The following PPM1B variants were observed in gnomAD, a reference collection of about 807,000 sequenced individuals.
The protein encoded by PPM1B is protein phosphatase 1B.
In PPM1B, 22 loss-of-function variants were observed where a neutral mutation model predicts 43.0. The ratio of observed to expected loss-of-function variants is 0.51; its 90% confidence interval spans 0.37 to 0.73. The LOEUF (loss-of-function observed/expected upper bound fraction) is 0.73, where lower values mean the gene tolerates loss of function less well. PPM1B is among the 30% of genes least tolerant of loss of function. The pLI, the probability that PPM1B is intolerant of heterozygous loss-of-function variation, is 0.00. For synonymous variants in PPM1B, 217 were observed against 197.9 expected (o/e 1.10, Z -0.81); for missense variants, 632 against 584.2 (o/e 1.08, Z -0.84).
At chr2:44,178,448 A>G (rs899652797) in intron 1 of PPM1B, among the ~76,000 whole-genome samples, 3 of 131,396 alleles carry the variant, frequency 2.3e-5, no homozygotes, top group African/African-American at 8.7e-5. Context: ...TGTATTTTAT[A>G]TATGTATATA....
At chr2:44,211,206 C>T (rs991685485) in intron 3 of PPM1B, among the ~76,000 whole-genome samples, 2 of 152,168 alleles carry the variant, frequency 1.3e-5, no homozygotes. Context: ...ATTTAAATTT[C>T]CCTAATTATC....
At chr2:44,233,451 A>G, downstream of PPM1B, 1 of 983,784 alleles carries the variant, frequency 1.0e-6, no homozygotes, top group East Asian at 1.1e-4. Context: ...TTTTGCATGT[A>G]TTAAATTCAA....
chr2:44,177,075 C>G (rs145277342), intron 1 of PPM1B, among the ~76,000 whole-genome samples: 1 of 152,150 alleles, frequency 6.6e-6, no homozygotes, highest in African/African-American at 2.4e-5. Context: ...CCACCGTGCC[C>G]GGCCTAGTTT....
rs376712795 is a variant in PPM1B, at chr2:44,241,084, A to T, written n.1547-3144A>T. On this transcript the variant is annotated intron_variant and non_coding_transcript_variant, in intron 5 of 5. Transcript: ENST00000378540. ...AATGGCGCGATCTTGGCTCACTGCA[A>T]CTTCCGCCTCCCGGGTTCAAGTGAT... is the stretch of plus-strand genomic sequence containing the variant. 2.0e-4 allele frequency among the ~76,000 whole-genome samples: 29 copies of T among 143,274 alleles called. 2 individuals are homozygous for T. Among genetic ancestry groups the T allele is most frequent in the African/African-American group, 7.2e-4 (29 of 40,248 alleles). 94.0% of individuals were successfully genotyped at this position (143,274 alleles called of 152,430 possible).
chr2:44,210,836 T>G (rs1435851581), intron 3 of PPM1B, among the ~76,000 whole-genome samples: 2 of 152,038 alleles, frequency 1.3e-5, no homozygotes, highest in Admixed American at 6.6e-5. Flanking sequence ...CTGTAGTATA[T>G]CCATAAAAAT....
chr2:44,244,449 C>A, downstream of PPM1B: 1 of 1,041,608 alleles, frequency 9.6e-7, no homozygotes, highest in Non-Finnish European at 1.2e-6. Flanking sequence ...AGGACTGTCA[C>A]TGTGCCCTTC....
intron 5 of PPM1B, among the ~76,000 whole-genome samples, chr2:44,222,997 A>AT (rs1266499726): frequency 6.6e-6 from 1 of 151,924 alleles, no homozygotes; most frequent in Non-Finnish European, 1.5e-5. Context: ...CACTCGGCTA[A>AT]TTTTTTGTAT....
chr2:44,234,953 G>C (rs780495088), downstream of PPM1B, among the ~76,000 whole-genome samples: 3 of 152,102 alleles, frequency 2.0e-5, no homozygotes, highest in African/African-American at 7.2e-5. Flanking sequence ...GTGCTTTTGC[G>C]TTCAGTCTGT....
chr2:44,192,365 C>G (rs1668449041), intron 1 of PPM1B, among the ~76,000 whole-genome samples: 1 of 151,928 alleles, frequency 6.6e-6, no homozygotes, highest in Non-Finnish European at 1.5e-5. Context: ...TTACAGCCCA[C>G]AAACCATGCC....
At chr2:44,180,405 G>C (rs563776039) in intron 1 of PPM1B, among the ~76,000 whole-genome samples, 1 of 152,288 alleles carries the variant, frequency 6.6e-6, no homozygotes, top group South Asian at 2.1e-4. Context: ...ACAGTAAGTA[G>C]GTGTAATTGG....
At chr2:44,192,010 C>A (rs1187014152) in intron 1 of PPM1B, among the ~76,000 whole-genome samples, 1 of 151,140 alleles carries the variant, frequency 6.6e-6, no homozygotes, top group East Asian at 1.9e-4. Context: ...CAGGACTGAT[C>A]CTGCAGCTTT....
At chr2:44,192,463 G>T (rs1668454011) in intron 1 of PPM1B, among the ~76,000 whole-genome samples, 1 of 152,224 alleles carries the variant, frequency 6.6e-6, no homozygotes, top group South Asian at 2.1e-4. Flanking sequence ...TGATTTGCCT[G>T]CCTCGGCCTC....
chr2:44,240,215 T>C (rs1475234889), intron 5 of PPM1B, among the ~76,000 whole-genome samples: 1 of 146,094 alleles, frequency 6.8e-6, no homozygotes, highest in African/African-American at 2.5e-5. Context: ...ATAATCCACA[T>C]TCTAATATAA....
chr2:44,202,157 A>T, intron 2 of PPM1B, 112 bp downstream of exon 2: 1 of 1,100,624 alleles, frequency 9.1e-7, no homozygotes, highest in East Asian at 2.7e-5. Flanking sequence ...CAGAAGCTGT[A>T]TATTTTGAAG....
intron 1 of PPM1B, among the ~76,000 whole-genome samples, chr2:44,198,003 G>A (rs1398663483): frequency 6.6e-6 from 1 of 152,030 alleles, no homozygotes; most frequent in African/African-American, 2.4e-5. Context: ...TAACACCACC[G>A]CATTTTCTTT....
intron 1 of PPM1B, among the ~76,000 whole-genome samples, chr2:44,192,074 G>A (rs1251317635): frequency 1.3e-5 from 2 of 149,112 alleles, no homozygotes; most frequent in African/African-American, 4.9e-5. Flanking sequence ...GAAGGGGAGG[G>A]GTCTGGGGGA....
rs565272709 is a variant in PPM1B, at chr2:44,180,795, A to G, written c.-15+11521A>G. Among the ~76,000 whole-genome samples the G allele has an allele frequency of 2.0e-5, 3 of 151,790 alleles. No individual in the cohort carries two copies. In the South Asian group the frequency reaches 6.3e-4, roughly 32 times the overall value. On this transcript the variant is annotated intron_variant, in intron 1 of 5. Transcript: ENST00000282412. ...CTGGCTAAGAAGTGTCTTTTAAGTT[A>G]ACACATATTTTATTTAGTACCTACT...
chr2:44,201,958 G>C lies in PPM1B; in HGVS notation c.759G>C (p.Glu253Asp). 6.2e-7 allele frequency: 1 copy of C among 1,613,972 alleles called. No homozygotes were observed. Among genetic ancestry groups the C allele is most frequent in the Non-Finnish European group, 8.5e-7 (1 of 1,179,940 alleles). Reference protein sequence around the residue: ...DGIWDVMSNEELCEYVKSRLE... With the variant: ...DGIWDVMSNEDLCEYVKSRLE... ...TCTGGGATGTTATGAGTAATGAGGA[G>C]CTCTGTGAATATGTTAAATCTAGGC... The change falls in exon 2 of 6, where the codon GAG becomes GAC. Residue 253 changes from glutamate to aspartate, a missense_variant. Glu to Asp is a conservative substitution (Grantham distance 45, BLOSUM62 2). Transcript: ENST00000282412. This position sits in a 1 kb window ranked among gnomAD's most constrained non-coding sequence, Gnocchi z 5.4.
chr2:44,230,987 G>C lies in PPM1B; in HGVS notation c.*269G>C, dbSNP rs973475583. Reference sequence around the variant, plus strand: ...GGCTACCAATTATGAATTAAAGTCAGTAGTTAAATTAATACTAGATAGAAT... The same window carrying C: ...GGCTACCAATTATGAATTAAAGTCACTAGTTAAATTAATACTAGATAGAAT... On this transcript the variant is annotated 3_prime_UTR_variant, in exon 6 of 6. Coordinates refer to ENST00000282412, the MANE Select transcript of PPM1B (RefSeq NM_002706.6). 9.6e-7 allele frequency: 1 copy of C among 1,043,288 alleles called. No homozygotes were observed. The highest frequency in any genetic ancestry group is 1.7e-5 in the African/African-American group (1 of 59,058). The allele number at this position is 1,043,288 out of a possible 1,614,324, so 64.6% of individuals were successfully genotyped here.
Sources: gnomAD v4.1 joint callset for allele counts (sites outside exome capture counted in the v4.1 genomes callset) on GRCh38, gnomAD v4.1.1 for gene constraint, Gnocchi (gnomAD v3.1) non-coding constraint, MANE v1.5 for transcripts, NCBI Gene and HGNC (gene_info 2026-07-23, HGNC 2026-07-21) for gene names.